The following CDH7 variants were observed in gnomAD, a reference collection of about 807,000 sequenced individuals.
The protein encoded by CDH7 is cadherin 7.
CDH7 carries 25 observed loss-of-function variants against 71.8 expected under a neutral mutation model. The observed-to-expected ratio is 0.35, with a 90% CI of 0.25 to 0.49. The LOEUF (loss-of-function observed/expected upper bound fraction) is 0.49, where lower values mean the gene tolerates loss of function less well. Ranked by LOEUF, CDH7 falls within the 20% of genes least tolerant of loss-of-function variation. CDH7 has a pLI of 0.99. For missense variants in CDH7, 862 were observed against 974.6 expected (o/e 0.88, Z 1.54); for synonymous variants, 381 against 363.8 (o/e 1.05, Z -0.54).
chr18:65,846,111 T>C (rs1912926416), intron 7 of CDH7, among the ~76,000 whole-genome samples: 1 of 152,072 alleles, frequency 6.6e-6, no homozygotes, highest in African/African-American at 2.4e-5. Flanking sequence ...AAAAAGTCAA[T>C]ATTATTATAT....
At position 65,887,131 on chromosome 18, in the gene CDH7, GA is replaced by G. The variant is rs1247996326; in HGVS notation, c.*6242del. The G allele has an allele frequency of 1.3e-5, 2 of 151,986 alleles. No individual in the cohort carries two copies. Among genetic ancestry groups the G allele is most frequent in the Non-Finnish European group, 2.9e-5 (2 of 67,986 alleles). The allele number at this position is 151,986 out of a possible 1,614,324, so 9.4% of individuals were successfully genotyped here. A position where few individuals can be genotyped will look rare whatever the true frequency, so the allele number is the denominator to read the frequency against. ...TGATGTTAATGGTTTATATAAGCAG[GA>G]AAAACTTATATGATTCACTACCCTA... is the stretch of plus-strand genomic sequence containing the variant. On this transcript the variant is annotated 3_prime_UTR_variant, in exon 12 of 12. Transcript: ENST00000397968.
chr18:65,769,216 A>G (rs1916472200), intron 2 of CDH7, among the ~76,000 whole-genome samples: 1 of 152,178 alleles, frequency 6.6e-6, no homozygotes, highest in Admixed American at 6.5e-5. Context: ...CAATCTTCAA[A>G]TCAAAGCAAA....
chr18:65,782,107 C>CTTCTTTCTTTCTTTCTTTCTTTCTTTCT (rs745442687), intron 2 of CDH7, among the ~76,000 whole-genome samples: 2 of 25,238 alleles, frequency 7.9e-5, no homozygotes, highest in Non-Finnish European at 1.2e-4. Context: ...TCCTTCCTTC[C>CTTCTTTCTTTCTTTCTTTCTTTCTTTCT]TTCTTTCTTT....
At chr18:65,868,065 GA>G (rs1913818931) in intron 11 of CDH7, among the ~76,000 whole-genome samples, 1 of 60,874 alleles carries the variant, frequency 1.6e-5, no homozygotes, top group African/African-American at 5.5e-5. Context: ...AGATTGTGGA[GA>G]AAAAAAGTGG....
chr18:65,880,313 T>C, intron 11 of CDH7, 88 bp from the exon 12 acceptor site: 1 of 1,341,720 alleles, frequency 7.5e-7, no homozygotes, highest in Non-Finnish European at 1.0e-6. Flanking sequence ...AGAAAACCTG[T>C]AACTCAGCGT....
chr18:65,815,966 A>G (rs920232760), intron 4 of CDH7, among the ~76,000 whole-genome samples: 11 of 152,162 alleles, frequency 7.2e-5, no homozygotes, highest in African/African-American at 2.7e-4. Context: ...GCATGTATTA[A>G]GTCCAAGGAT....
At chr18:65,815,420 T>G (rs144519068) in intron 4 of CDH7, among the ~76,000 whole-genome samples, 315 of 152,326 alleles carry the variant, frequency 2.1e-3, no homozygotes, top group African/African-American at 7.3e-3. Flanking sequence ...TATTCAAATA[T>G]ATACATTTAT....
intron 1 of CDH7, among the ~76,000 whole-genome samples, chr18:65,753,418 G>T (rs987208680): frequency 1.3e-5 from 2 of 152,118 alleles, no homozygotes; most frequent in African/African-American, 4.8e-5. Flanking sequence ...TACATTTATT[G>T]CATTAATAGC....
chr18:65,852,618 A>G (rs1913190026), intron 7 of CDH7, among the ~76,000 whole-genome samples: 1 of 152,120 alleles, frequency 6.6e-6, no homozygotes, highest in African/African-American at 2.4e-5. Context: ...GAGTTTTTCA[A>G]TTAGACTATA....
At chr18:65,811,848 C>T (rs1229678435) in intron 3 of CDH7, among the ~76,000 whole-genome samples, 4 of 151,382 alleles carry the variant, frequency 2.6e-5, no homozygotes, top group Admixed American at 2.6e-4. Context: ...GGTACTCTGA[C>T]ATGAAACAGC....
Position 65,824,661 on chromosome 18 carries a change from G to A in CDH7, c.811G>A (p.Val271Ile), listed in dbSNP as rs780536938. Residue 271 changes from valine (V) to isoleucine (I), a missense_variant, in exon 6 of 12, where the codon GTC becomes ATC. Coordinates refer to ENST00000397968, the MANE Select transcript of CDH7 (RefSeq NM_004361.5). Reference sequence around the variant, plus strand: ...TTTCACAGGGTCTTATCAATATAACGTCCCAGAGTCATTACCTGTAGCCTC... The same window carrying A: ...TTTCACAGGGTCTTATCAATATAACATCCCAGAGTCATTACCTGTAGCCTC... ...RFPRRSYQYNVPESLPVASVV... is the reference protein window; with the variant it reads ...RFPRRSYQYNIPESLPVASVV... 37 of 1,599,274 alleles carry A rather than the reference G, an allele frequency of 2.3e-5. No homozygotes were observed. Among genetic ancestry groups the A allele is most frequent in the Admixed American group, 5.1e-5 (3 of 59,010 alleles).
At position 65,829,790 on chromosome 18, in the gene CDH7, G is replaced by A. The variant is rs771801938; in HGVS notation, c.981+4959G>A. Reference sequence around the variant, plus strand: ...CAAGGAAGGGAGTGTGTGTGTGTGTGTGTGTGTGTGTGTGTGTGTGTGTGT... The same window carrying A: ...CAAGGAAGGGAGTGTGTGTGTGTGTATGTGTGTGTGTGTGTGTGTGTGTGT... On this transcript the variant is annotated intron_variant, in intron 6 of 11. Transcript: ENST00000397968. Among the ~76,000 whole-genome samples the A allele has an allele frequency of 9.8e-3, 1,485 of 151,234 alleles. 18 individuals are homozygous for A. The highest frequency in any genetic ancestry group is 0.015 in the Non-Finnish European group (1,032 of 67,736).
intron 6 of CDH7, 70 bp downstream of exon 6, chr18:65,824,901 A>G (rs894783821): frequency 2.7e-5 from 28 of 1,049,402 alleles, no homozygotes; most frequent in African/African-American, 6.5e-5. Context: ...GGGAGAATGT[A>G]CTAGACAAAC....
At chr18:65,857,532 T>C (rs927980754) in intron 7 of CDH7, among the ~76,000 whole-genome samples, 8 of 151,686 alleles carry the variant, frequency 5.3e-5, no homozygotes, top group Non-Finnish European at 1.2e-4. Context: ...GTAATAATAA[T>C]GAACTTGAAG....
In CDH7 at chr18:65,888,169, T is replaced by C. The variant is rs891946344; in HGVS notation, c.*7275T>C. On this transcript the variant is annotated 3_prime_UTR_variant, in exon 12 of 12. Transcript: ENST00000397968. ...AATAGACTCCTACAATATTCAGTAT[T>C]GGAGATGTTTAAAACAAATATAAGA... 3.3e-5 allele frequency: 5 copies of C among 152,172 alleles called. No homozygotes were observed. The highest frequency in any genetic ancestry group is 2.0e-4 in the Admixed American group (3 of 15,272). 9.4% of individuals were successfully genotyped at this position (152,172 alleles called of 1,614,324 possible). A position where few individuals can be genotyped will look rare whatever the true frequency, so the allele number is the denominator to read the frequency against.
At chr18:65,817,647 T>TTA (rs2143925804) in intron 4 of CDH7, among the ~76,000 whole-genome samples, 1 of 152,350 alleles carries the variant, frequency 6.6e-6, no homozygotes, top group African/African-American at 2.4e-5. Context: ...TGATTTTGTT[T>TTA]TATAAATAGG....
intron 2 of CDH7, among the ~76,000 whole-genome samples, chr18:65,780,771 T>C (rs1910151286): frequency 6.6e-6 from 1 of 152,008 alleles, no homozygotes; most frequent in African/African-American, 2.4e-5. Context: ...TGGCTTAGGA[T>C]TGACTTGGCA....
chr18:65,877,820 G>A lies in CDH7; in HGVS notation c.1865-2581G>A, dbSNP rs1599069952. On this transcript the variant is annotated intron_variant, in intron 11 of 11. Coordinates refer to ENST00000397968, the MANE Select transcript of CDH7 (RefSeq NM_004361.5). ...AATTTCAGAAACTAAAGTTGTATAT[G>A]AATATAAAATAATTGTTTATTCATC... 3.9e-5 allele frequency among the ~76,000 whole-genome samples: 6 copies of A among 152,258 alleles called. No homozygotes were observed. The East Asian group carries it at 1.2e-3, about 29-fold the overall frequency.
At chr18:65,830,266 T>C (rs934752329) in intron 6 of CDH7, among the ~76,000 whole-genome samples, 1 of 152,176 alleles carries the variant, frequency 6.6e-6, no homozygotes. Flanking sequence ...GGAATATATA[T>C]GTACAGTGCT....
Sources: gnomAD v4.1 joint callset for allele counts (sites outside exome capture counted in the v4.1 genomes callset) on GRCh38, gnomAD v4.1.1 for gene constraint, MANE v1.5 for transcripts, NCBI Gene and HGNC (gene_info 2026-07-23, HGNC 2026-07-21) for gene names.